Variants in FSTL4 observed in about 807,000 individuals in gnomAD.
FSTL4 encodes follistatin-related protein 4.
A neutral mutation model predicts 78.2 loss-of-function variants in FSTL4; 28 were observed. That is an observed-to-expected ratio of 0.36 (90% CI 0.27 to 0.49). The LOEUF is 0.49. Ranked by LOEUF, FSTL4 falls within the 20% of genes least tolerant of loss-of-function variation. The pLI, the probability that FSTL4 is intolerant of heterozygous loss-of-function variation, is 0.98. For synonymous variants in FSTL4, 422 were observed against 440.5 expected (o/e 0.96, Z 0.53); for missense variants, 922 against 1,084.9 (o/e 0.85, Z 2.11).
chr5:133,364,359 C>T (rs1755133537), intron 4 of FSTL4, among the ~76,000 whole-genome samples: 1 of 152,194 alleles, frequency 6.6e-6, no homozygotes, highest in Non-Finnish European at 1.5e-5. Flanking sequence ...TCAGAGGGGA[C>T]TCTGAGTGTA....
At chr5:133,484,102 A>G (rs1212658981) in intron 3 of FSTL4, among the ~76,000 whole-genome samples, 3 of 152,080 alleles carry the variant, frequency 2.0e-5, no homozygotes, top group Non-Finnish European at 4.4e-5. Context: ...GTCCATATAG[A>G]TTCTCTCTCC....
chr5:133,696,319 C>T, the FSTL4 span, among the ~76,000 whole-genome samples: 4 of 152,334 alleles, frequency 2.6e-5, no homozygotes, highest in East Asian at 1.9e-4. Flanking sequence ...CTGAGCTTTG[C>T]CTCAATATCC....
At chr5:133,550,095 G>A (rs1759662231) in intron 3 of FSTL4, among the ~76,000 whole-genome samples, 1 of 152,144 alleles carries the variant, frequency 6.6e-6, no homozygotes, top group Admixed American at 6.5e-5. Context: ...GCAAAAGTCT[G>A]CTTTAGAACC....
At chr5:133,741,385 C>T in the FSTL4 span, among the ~76,000 whole-genome samples, 10 of 152,332 alleles carry the variant, frequency 6.6e-5, no homozygotes, top group African/African-American at 2.4e-4. Flanking sequence ...GCCAGCCCCA[C>T]CTTGAGGAAA....
At position 133,228,466 on chromosome 5, in the gene FSTL4, GC is replaced by G. The variant is rs1751399111; in HGVS notation, c.1016-2648del. 2.0e-5 allele frequency among the ~76,000 whole-genome samples: 3 copies of G among 152,180 alleles called. No homozygotes were observed. The South Asian group carries it at 6.2e-4, about 32-fold the overall frequency. On this transcript the variant is annotated intron_variant, in intron 8 of 15. Coordinates refer to ENST00000265342, the MANE Select transcript of FSTL4 (RefSeq NM_015082.2). ...TGGACACCAAAACCTGGCAGAGAATGCAAAAAAGACTACACACTGATCTCAC... is the reference window on the plus strand; with the variant it reads ...TGGACACCAAAACCTGGCAGAGAATGAAAAAAGACTACACACTGATCTCAC...
At chr5:133,549,915 A>T (rs1344381695) in intron 3 of FSTL4, among the ~76,000 whole-genome samples, 1 of 152,062 alleles carries the variant, frequency 6.6e-6, no homozygotes. Context: ...TTTTTATTTC[A>T]TCCTTACACT....
chr5:133,450,854 C>A (rs944956589), intron 3 of FSTL4, among the ~76,000 whole-genome samples: 1 of 152,108 alleles, frequency 6.6e-6, no homozygotes, highest in Admixed American at 6.5e-5. Context: ...GGGCTGCAGA[C>A]CAATGGGGGA....
At chr5:133,301,702 G>T (rs1328560396) in intron 6 of FSTL4, among the ~76,000 whole-genome samples, 1 of 152,202 alleles carries the variant, frequency 6.6e-6, no homozygotes, top group African/African-American at 2.4e-5. Flanking sequence ...ATGCCATCTG[G>T]AGAAGAACGG....
At chr5:133,473,148 T>C (rs1354214270) in intron 3 of FSTL4, among the ~76,000 whole-genome samples, 1 of 152,230 alleles carries the variant, frequency 6.6e-6, no homozygotes, top group Non-Finnish European at 1.5e-5. Flanking sequence ...GAAGATAACC[T>C]TGCCTGTCCA....
At chr5:133,796,955 C>T in the FSTL4 span, among the ~76,000 whole-genome samples, 3 of 152,164 alleles carry the variant, frequency 2.0e-5, no homozygotes, top group Non-Finnish European at 2.9e-5. Flanking sequence ...CAGTGCCCAT[C>T]CTTGGCTCCA....
At chr5:133,332,140 A>C (rs1472035093) in intron 4 of FSTL4, among the ~76,000 whole-genome samples, 1 of 152,170 alleles carries the variant, frequency 6.6e-6, no homozygotes, top group Non-Finnish European at 1.5e-5. Context: ...AGCGCTCAGA[A>C]AGCCCTCCTC....
At chr5:133,493,445 C>T (rs1275801564) in intron 3 of FSTL4, among the ~76,000 whole-genome samples, 2 of 152,180 alleles carry the variant, frequency 1.3e-5, no homozygotes, top group Non-Finnish European at 2.9e-5. Context: ...CAATGTGGTT[C>T]AAAGTCTAGG....
chr5:133,560,456 G>A (rs1422317861), intron 3 of FSTL4, among the ~76,000 whole-genome samples: 1 of 150,820 alleles, frequency 6.6e-6, no homozygotes, highest in Admixed American at 6.6e-5. Context: ...TGCAACCTCT[G>A]CCTCCTGGGT....
the FSTL4 span, among the ~76,000 whole-genome samples, chr5:133,703,491 G>A: frequency 6.6e-6 from 1 of 152,174 alleles, no homozygotes; most frequent in Non-Finnish European, 1.5e-5. Context: ...GGCCATTAAC[G>A]ATCACTGCAG....
At chr5:133,389,227 C>T (rs1440029467) in intron 4 of FSTL4, among the ~76,000 whole-genome samples, 4 of 152,180 alleles carry the variant, frequency 2.6e-5, no homozygotes, top group African/African-American at 9.7e-5. Flanking sequence ...TTGCAGAAGC[C>T]AGCTTCCCTT....
the FSTL4 span, among the ~76,000 whole-genome samples, chr5:133,631,313 AC>A: frequency 3.3e-5 from 5 of 150,568 alleles, no homozygotes; most frequent in African/African-American, 7.3e-5. Context: ...AAAAAAAAAA[AC>A]AACCCCATCA....
At chr5:133,430,416 G>A (rs774896104) in intron 3 of FSTL4, among the ~76,000 whole-genome samples, 1 of 152,162 alleles carries the variant, frequency 6.6e-6, no homozygotes, top group Non-Finnish European at 1.5e-5. Context: ...CTCTAGGACA[G>A]TGATGTTTGT....
chr5:133,503,398 GC>G (rs1479052187), intron 3 of FSTL4, among the ~76,000 whole-genome samples: 1 of 152,176 alleles, frequency 6.6e-6, no homozygotes, highest in South Asian at 2.1e-4. Context: ...CAAAATTCCT[GC>G]AAATTTAACA....
intron 6 of FSTL4, among the ~76,000 whole-genome samples, chr5:133,306,254 C>T (rs547889972): frequency 4.9e-4 from 74 of 152,322 alleles, no homozygotes; most frequent in African/African-American, 1.7e-3. Flanking sequence ...TGCTGCATCA[C>T]GAGGGATGTG....
Sources: gnomAD v4.1 joint callset for allele counts (sites outside exome capture counted in the v4.1 genomes callset) on GRCh38, gnomAD v4.1.1 for gene constraint, MANE v1.5 for transcripts, NCBI Gene and HGNC (gene_info 2026-07-23, HGNC 2026-07-21) for gene names.